GGA2: variants seen among roughly 807,000 people sequenced by gnomAD.
The protein encoded by GGA2 is ADP-ribosylation factor-binding protein GGA2.
GGA2 carries 48 observed loss-of-function variants against 79.5 expected under a neutral mutation model. That is an observed-to-expected ratio of 0.60 (90% confidence interval 0.48 to 0.77). The LOEUF (loss-of-function observed/expected upper bound fraction) is 0.77. GGA2 is among the 30% of genes least tolerant of loss of function. The pLI, the probability that GGA2 is intolerant of heterozygous loss-of-function variation, is 0.00. For missense variants in GGA2, 770 were observed against 774.0 expected (o/e 0.99, Z 0.06); for synonymous variants, 317 against 302.0 (o/e 1.05, Z -0.51).
At chr16:23,510,030 C>T (rs945379234) in intron 1 of GGA2, among the ~76,000 whole-genome samples, 6 of 139,290 alleles carry the variant, frequency 4.3e-5, no homozygotes, top group Admixed American at 8.0e-5. Context: ...GGGGAAAGCG[C>T]AGGTCACGTA....
Position 23,465,532 on chromosome 16 carries a change from C to T in GGA2, c.*2058G>A. 3 of 648,892 alleles carry T rather than the reference C, an allele frequency of 4.6e-6. No homozygotes were observed. Among genetic ancestry groups the T allele is most frequent in the Non-Finnish European group, 8.3e-6 (3 of 359,308 alleles). 40.2% of individuals were successfully genotyped at this position (648,892 alleles called of 1,614,324 possible). On this transcript the variant is annotated 3_prime_UTR_variant, in exon 17 of 17. Coordinates refer to ENST00000309859, the MANE Select transcript of GGA2 (RefSeq NM_015044.4). Reference sequence around the variant, plus strand: ...CACCTCCTAACTATAGGGGAGAAAGCCTGTCTTTATGTATAAGTCTCATTC... The same window carrying T: ...CACCTCCTAACTATAGGGGAGAAAGTCTGTCTTTATGTATAAGTCTCATTC...
In GGA2 at chr16:23,480,920, A is replaced by G. The variant is rs1211265188; in HGVS notation, c.881-150T>C. 3 of 710,610 alleles carry G rather than the reference A, an allele frequency of 4.2e-6. No homozygotes were observed. In the African/African-American group the frequency reaches 5.3e-5, roughly 13 times the overall value. The allele number at this position is 710,610 out of a possible 1,614,324, so 44.0% of individuals were successfully genotyped here. A position where few individuals can be genotyped will look rare whatever the true frequency, so the allele number is the denominator to read the frequency against. On this transcript the variant is annotated intron_variant, in intron 9 of 16. Coordinates refer to ENST00000309859, the MANE Select transcript of GGA2 (RefSeq NM_015044.4). ...CCTCCAGGTTGTGTCATCGGACCCT[A>G]TCAGGCCTAGTCAGTTAACCTGAGT... is the stretch of plus-strand genomic sequence containing the variant.
intron 10 of GGA2, 90 bp from the exon 11 acceptor site, chr16:23,479,977 C>T: frequency 8.0e-7 from 1 of 1,252,302 alleles, no homozygotes; most frequent in South Asian, 1.4e-5. Context: ...AGACCACCTC[C>T]TAATCAAATG....
chr16:23,478,310 G>A, intron 13 of GGA2, 58 bp downstream of exon 13: 2 of 1,439,582 alleles, frequency 1.4e-6, no homozygotes, highest in Non-Finnish European at 9.4e-7. Context: ...CTTGTCCCAT[G>A]AGAAGGAACC....
chr16:23,507,222 C>T (rs1233954624), intron 1 of GGA2, among the ~76,000 whole-genome samples: 1 of 152,118 alleles, frequency 6.6e-6, no homozygotes, highest in Non-Finnish European at 1.5e-5. Context: ...CGATATTTCA[C>T]TTAAGAATAT....
chr16:23,512,936 C>T (rs1160296098), upstream of GGA2, among the ~76,000 whole-genome samples: 1 of 152,054 alleles, frequency 6.6e-6, no homozygotes, highest in Non-Finnish European at 1.5e-5. Context: ...AACTCCTAAC[C>T]TCAGGTGATC....
chr16:23,521,664 C>G (rs1320966621), intron 1 of GGA2: 4 of 450,706 alleles, frequency 8.9e-6, no homozygotes, highest in Admixed American at 4.8e-5. Flanking sequence ...CCTCACAAAG[C>G]ATTAGGACGT....
At chr16:23,478,150 G>C (rs1217475357) in intron 13 of GGA2, among the ~76,000 whole-genome samples, 1 of 144,602 alleles carries the variant, frequency 6.9e-6, no homozygotes, top group Non-Finnish European at 1.5e-5. Flanking sequence ...AGTGAGCCGA[G>C]ATTGTGCCAC....
At chr16:23,500,055 T>G (rs1053914488) in intron 1 of GGA2, among the ~76,000 whole-genome samples, 1 of 152,214 alleles carries the variant, frequency 6.6e-6, no homozygotes, top group African/African-American at 2.4e-5. Context: ...GAGCTCCCTC[T>G]GTGCTCTCTT....
At chr16:23,483,228 C>T (rs111398739) in intron 8 of GGA2, among the ~76,000 whole-genome samples, 2 of 152,082 alleles carry the variant, frequency 1.3e-5, no homozygotes, top group African/African-American at 4.8e-5. Context: ...ATAATCTGAC[C>T]GGGCAGGGTG....
intron 8 of GGA2, 51 bp from the exon 9 acceptor site, chr16:23,483,055 C>G (rs764361004): frequency 1.6e-6 from 2 of 1,221,496 alleles, no homozygotes; most frequent in Admixed American, 3.4e-5. Context: ...CCCCATAACG[C>G]CCCCCTCCAG....
At chr16:23,497,783 C>A (rs1964874989) in intron 1 of GGA2, among the ~76,000 whole-genome samples, 1 of 152,222 alleles carries the variant, frequency 6.6e-6, no homozygotes, top group South Asian at 2.1e-4. Context: ...TCTCCAGCTA[C>A]ACCCATTAGT....
chr16:23,474,846 G>C, intron 14 of GGA2, 58 bp downstream of exon 14: 2 of 1,271,582 alleles, frequency 1.6e-6, no homozygotes, highest in East Asian at 2.3e-5. Context: ...AAAAAGCTGG[G>C]AGTCTAATAG....
intron 14 of GGA2, among the ~76,000 whole-genome samples, chr16:23,471,411 G>A (rs1015693445): frequency 6.6e-6 from 1 of 151,884 alleles, no homozygotes; most frequent in Non-Finnish European, 1.5e-5. Context: ...ATTTAAAAAG[G>A]GGGGCAGGGC....
At chr16:23,491,882 G>T in intron 4 of GGA2, 82 bp from the exon 5 acceptor site, 2 of 952,712 alleles carry the variant, frequency 2.1e-6, no homozygotes, top group Non-Finnish European at 3.3e-6. Context: ...TAGCTGCTGA[G>T]GCCCAGAGAC....
intron 1 of GGA2, among the ~76,000 whole-genome samples, chr16:23,497,246 G>A (rs575856598): frequency 1.1e-4 from 17 of 152,174 alleles, no homozygotes; most frequent in South Asian, 8.3e-4. Flanking sequence ...GTTGCTTCTC[G>A]GGGCAGTACT....
At chr16:23,471,101 A>G (rs962762216) in intron 14 of GGA2, among the ~76,000 whole-genome samples, 1 of 152,054 alleles carries the variant, frequency 6.6e-6, no homozygotes, top group East Asian at 1.9e-4. Flanking sequence ...TTGACCTCCC[A>G]AAGTGCTGGG....
chr16:23,467,305 A>G lies in GGA2; in HGVS notation c.*285T>C, dbSNP rs1157689427. On this transcript the variant is annotated 3_prime_UTR_variant, in exon 17 of 17. Transcript: ENST00000309859. ...CGCTGACATGCAGAAACATGACTGT[A>G]GCAGAGATGATGATGATGAGAAATG... The G allele has an allele frequency of 2.2e-5, 8 of 370,526 alleles. No individual in the cohort carries two copies. The highest frequency in any genetic ancestry group is 1.4e-4 in the African/African-American group (7 of 48,600). The allele number at this position is 370,526 out of a possible 1,614,324, so 23.0% of individuals were successfully genotyped here. A position where few individuals can be genotyped will look rare whatever the true frequency, so the allele number is the denominator to read the frequency against.
Position 23,480,407 on chromosome 16 carries a change from G to T in GGA2, c.1006+238C>A, listed in dbSNP as rs773353211. On this transcript the variant is annotated intron_variant, in intron 10 of 16. Transcript: ENST00000309859. Reference sequence around the variant, plus strand: ...AGCATTTATGAGAATTCAAACGCAGGCACAGCTTAGCCATCTGCTTTTGTG... The same window carrying T: ...AGCATTTATGAGAATTCAAACGCAGTCACAGCTTAGCCATCTGCTTTTGTG... 6 of 450,906 alleles carry T rather than the reference G, an allele frequency of 1.3e-5. No homozygotes were observed. In the East Asian group the frequency reaches 2.1e-4, roughly 16 times the overall value. 27.9% of individuals were successfully genotyped at this position (450,906 alleles called of 1,614,324 possible). A position where few individuals can be genotyped will look rare whatever the true frequency, so the allele number is the denominator to read the frequency against.
Sources: allele counts gnomAD v4.1 joint callset (sites outside exome capture counted in the v4.1 genomes callset), GRCh38; gene constraint gnomAD v4.1.1; transcripts MANE v1.5; gene names NCBI Gene and HGNC (gene_info 2026-07-23, HGNC 2026-07-21).